Variants in IARS1 observed in about 807,000 individuals in gnomAD.
IARS1 encodes isoleucyl-tRNA synthetase 1.
IARS1 carries 124 observed loss-of-function variants against 168.2 expected under a neutral mutation model. That is an observed-to-expected ratio of 0.74 (90% CI 0.64 to 0.86). The LOEUF is 0.86. Ranked by LOEUF, IARS1 falls within the 40% of genes least tolerant of loss-of-function variation. The pLI, the probability that IARS1 is intolerant of heterozygous loss-of-function variation, is 0.00. For missense variants in IARS1, 1,452 were observed against 1,515.8 expected (o/e 0.96, Z 0.70); for synonymous variants, 532 against 529.4 (o/e 1.00, Z -0.07).
At chr9:92,240,482 A>G (rs373884413) in intron 30 of IARS1, 1 of 569,196 alleles carries the variant, frequency 1.8e-6, no homozygotes, top group African/African-American at 1.9e-5. Context: ...CAGGTCTTGA[A>G]CTCCTGACCT....
chr9:92,236,516 T>C (rs1026185570), intron 30 of IARS1, among the ~76,000 whole-genome samples: 2 of 152,182 alleles, frequency 1.3e-5, no homozygotes, highest in Admixed American at 6.5e-5. Context: ...CTGTTTGATA[T>C]TGTGTGAGTT....
In IARS1 at chr9:92,278,249, G is replaced by A; in HGVS notation, c.783C>T (p.Ala261=). 1 of 1,612,560 alleles carries A rather than the reference G, an allele frequency of 6.2e-7. No homozygotes were observed. Among genetic ancestry groups the A allele is most frequent in the Non-Finnish European group, 8.5e-7 (1 of 1,178,646 alleles). The part of the protein sequence containing the change: ...ARGRLLILME[A]RLSALYKLES... Reference sequence around the variant, plus strand: ...CCAATTTATAGAGGGCTGACAATCTGGCTTCCATTAAAATGAGTAATCGTC... The same window carrying A: ...CCAATTTATAGAGGGCTGACAATCTAGCTTCCATTAAAATGAGTAATCGTC... Residue 261 remains alanine, a synonymous_variant, in exon 8 of 34, where the codon GCC becomes GCT. Transcript: ENST00000443024.
chr9:92,216,380 A>C (rs36181963), intron 33 of IARS1, among the ~76,000 whole-genome samples: 18,729 of 146,650 alleles, frequency 0.13, 1,370 homozygotes, highest in South Asian at 0.25. Context: ...AGCAAAATAA[A>C]CAGCTAACAT....
intron 17 of IARS1, among the ~76,000 whole-genome samples, chr9:92,261,074 C>T (rs867826007): frequency 5.9e-5 from 9 of 151,984 alleles, no homozygotes; most frequent in African/African-American, 1.9e-4. Context: ...TTTGGGAGGC[C>T]GAGGCAGGTG....
At chr9:92,283,777 AAAAT>A (rs1835011432) in intron 6 of IARS1, among the ~76,000 whole-genome samples, 1 of 152,248 alleles carries the variant, frequency 6.6e-6, no homozygotes, top group South Asian at 2.1e-4. Context: ...CTGATTTAAA[AAAAT>A]AAATAAATAA....
At chr9:92,285,190 T>C (rs544680991) in intron 6 of IARS1, among the ~76,000 whole-genome samples, 1 of 152,340 alleles carries the variant, frequency 6.6e-6, no homozygotes, top group East Asian at 1.9e-4. Context: ...TACTAGTATA[T>C]AATATCTGTC....
At chr9:92,254,305 T>C (rs991942961) in intron 20 of IARS1, among the ~76,000 whole-genome samples, 3 of 152,162 alleles carry the variant, frequency 2.0e-5, no homozygotes, top group Non-Finnish European at 4.4e-5. Context: ...TTTTAAGGAT[T>C]CTCATTCACC....
At chr9:92,218,587 C>T (rs1177392121) in intron 33 of IARS1, among the ~76,000 whole-genome samples, 16 of 106,876 alleles carry the variant, frequency 1.5e-4, no homozygotes, top group African/African-American at 4.5e-4. Flanking sequence ...TCTCAGGATA[C>T]AAAATCAATG....
At chr9:92,283,360 C>A (rs1189925674) in intron 6 of IARS1, among the ~76,000 whole-genome samples, 2 of 152,178 alleles carry the variant, frequency 1.3e-5, no homozygotes. Context: ...CTGTGACTCA[C>A]CTGGGCGTGG....
At position 92,250,302 on chromosome 9, in the gene IARS1, G is replaced by C; in HGVS notation, c.2430-13C>G. 6.8e-7 allele frequency: 1 copy of C among 1,471,554 alleles called. No homozygotes were observed. The highest frequency in any genetic ancestry group is 1.1e-5 in the South Asian group (1 of 88,302). The allele number at this position is 1,471,554 out of a possible 1,614,324, so 91.2% of individuals were successfully genotyped here. A position where few individuals can be genotyped will look rare whatever the true frequency, so the allele number is the denominator to read the frequency against. ...AATCAATTCTTCTCTGAGTGGTAGA[G>C]GTAGGAATATGAAAGAGTTTAGATT... On this transcript the variant is annotated splice_polypyrimidine_tract_variant and intron_variant, in intron 23 of 33. Transcript: ENST00000443024.
At chr9:92,239,094 A>G (rs1827978119) in intron 30 of IARS1, among the ~76,000 whole-genome samples, 1 of 152,168 alleles carries the variant, frequency 6.6e-6, no homozygotes. Flanking sequence ...GACCCATGAG[A>G]GTAATGAAAG....
Position 92,222,574 on chromosome 9 carries a change from A to G in IARS1, c.3652T>C (p.Phe1218Leu). ...QGLLYEAAKV[F>L]GLRSRKLKLF... is the part of the protein sequence containing the mutation. ...TTTAGCTTCCTGCTCCGAAGGCCAA[A>G]CACCTTGGCTGCTTCATACAGAAGA... Residue 1218 changes from phenylalanine (F) to leucine (L), a missense_variant, in exon 33 of 34, where the codon TTT (phenylalanine) becomes CTT (leucine). By Grantham distance (22) the Phe-to-Leu change is conservative. Transcript: ENST00000443024. The G allele has an allele frequency of 1.2e-6, 2 of 1,614,030 alleles. No homozygotes were observed.
chr9:92,220,081 T>C (rs1029507860), intron 33 of IARS1, among the ~76,000 whole-genome samples: 2 of 146,472 alleles, frequency 1.4e-5, no homozygotes, highest in African/African-American at 2.6e-5. Context: ...TGGAATACTA[T>C]GCAGCCATAA....
At chr9:92,224,917 G>T (rs558759325) in intron 31 of IARS1, among the ~76,000 whole-genome samples, 2 of 152,258 alleles carry the variant, frequency 1.3e-5, no homozygotes, top group South Asian at 4.2e-4. Context: ...TTGCCCAATG[G>T]ATTGATGAAC....
intron 23 of IARS1, 60 bp downstream of exon 23, chr9:92,250,653 A>G (rs1587795573): frequency 6.7e-7 from 1 of 1,482,560 alleles, no homozygotes; most frequent in Non-Finnish European, 9.1e-7. Context: ...TCTTCCCCAC[A>G]TGCTTGAGCA....
At chr9:92,281,998 A>C (rs1307954732) in intron 6 of IARS1, among the ~76,000 whole-genome samples, 2 of 152,080 alleles carry the variant, frequency 1.3e-5, no homozygotes, top group Non-Finnish European at 2.9e-5. Context: ...TTAACTATAA[A>C]GGACACTGCT....
At chr9:92,267,618 C>T (rs536512391) in intron 14 of IARS1, among the ~76,000 whole-genome samples, 195 of 152,286 alleles carry the variant, frequency 1.3e-3, no homozygotes, top group African/African-American at 4.3e-3. Flanking sequence ...CTTGGCCTCC[C>T]TAAGTGCTGC....
chr9:92,287,861 GCC>G lies in IARS1; in HGVS notation c.324_325del (p.Ala109GlnfsTer8). 6.2e-7 allele frequency: 1 copy of G among 1,613,534 alleles called. No individual in the cohort carries two copies. On this transcript the variant is annotated frameshift_variant, in exon 4 of 34. Coordinates refer to ENST00000443024, the MANE Select transcript of IARS1 (RefSeq NM_002161.6). LOFTEE classifies it high-confidence loss of function. ...GTTATACTCTGTAATCCCCATTTTG[GCC>G]ACATCCTCTGGTCCTCTGATTCCCA...
Position 92,222,525 on chromosome 9 carries a change from G to T in IARS1, c.3701C>A (p.Thr1234Lys), listed in dbSNP as rs753451277. ...ACGGTCCACAATCTCCTTACCCTGC[G>T]TTTGGGTCTCATTCAGAAACAGCTT... ...KLKLFLNETQ[T>K]QEITEDIPVK... is the part of the protein sequence containing the mutation. Residue 1234 changes from threonine to lysine, a missense_variant, in exon 33 of 34, where the codon ACG (threonine) becomes AAG (lysine). Transcript: ENST00000443024. 3 of 1,613,688 alleles carry T rather than the reference G, an allele frequency of 1.9e-6. No individual in the cohort carries two copies. The highest frequency in any genetic ancestry group is 1.7e-5 in the Admixed American group (1 of 59,896).
Sources: allele counts gnomAD v4.1 joint callset (sites outside exome capture counted in the v4.1 genomes callset), GRCh38; gene constraint gnomAD v4.1.1; transcripts MANE v1.5; gene names NCBI Gene and HGNC (gene_info 2026-07-23, HGNC 2026-07-21).